The following XYLT1 variants were observed in gnomAD, a reference collection of about 807,000 sequenced individuals.
The protein encoded by XYLT1 is xylosyltransferase 1.
Under a neutral mutation model 91.3 loss-of-function variants are expected in XYLT1, and 36 were observed. That is an observed-to-expected ratio of 0.39 (90% CI 0.30 to 0.52). The LOEUF (loss-of-function observed/expected upper bound fraction) is 0.52, where lower values mean the gene tolerates loss of function less well. Among genes scored for constraint, XYLT1 ranks in the 20% least tolerant of loss-of-function variants. The pLI, the probability that XYLT1 is intolerant of heterozygous loss-of-function variation, is 0.68. For missense variants in XYLT1, 1,242 were observed against 1,284.5 expected (o/e 0.97, Z 0.51); for synonymous variants, 588 against 532.0 (o/e 1.11, Z -1.45).
intron 2 of XYLT1, among the ~76,000 whole-genome samples, chr16:17,315,247 T>A (rs1295917810): frequency 6.6e-6 from 1 of 152,118 alleles, no homozygotes; most frequent in Non-Finnish European, 1.5e-5. Context: ...CAAACTCATT[T>A]CTCTTTCCCT....
intron 3 of XYLT1, among the ~76,000 whole-genome samples, chr16:17,224,474 A>G (rs1021218296): frequency 1.3e-5 from 2 of 152,178 alleles, no homozygotes; most frequent in African/African-American, 4.8e-5. Context: ...TATCTGTGCA[A>G]AAGATTACTC....
chr16:17,249,042 G>A (rs1272983232), intron 3 of XYLT1, among the ~76,000 whole-genome samples: 3 of 151,926 alleles, frequency 2.0e-5, no homozygotes, highest in Non-Finnish European at 4.4e-5. Flanking sequence ...TTTAATGATC[G>A]TTTACCCCTG....
At chr16:17,208,016 T>C (rs2032687608) in intron 3 of XYLT1, among the ~76,000 whole-genome samples, 1 of 152,114 alleles carries the variant, frequency 6.6e-6, no homozygotes, top group Non-Finnish European at 1.5e-5. Flanking sequence ...AGATTGAGTC[T>C]TGCTTTGTAA....
chr16:17,303,649 C>T (rs8045228), intron 2 of XYLT1, among the ~76,000 whole-genome samples: 94,177 of 152,086 alleles, frequency 0.62, 31,253 homozygotes, highest in African/African-American at 0.87. Context: ...ATTTTCATTA[C>T]TAATGATATT....
intron 5 of XYLT1, among the ~76,000 whole-genome samples, chr16:17,163,664 AC>A (rs2031603505): frequency 6.6e-6 from 1 of 152,102 alleles, no homozygotes; most frequent in South Asian, 2.1e-4. Context: ...AGGATTTCAA[AC>A]CTCTGATGCT....
chr16:17,130,303 GTTGT>G (rs781759408), intron 9 of XYLT1, among the ~76,000 whole-genome samples: 1 of 152,208 alleles, frequency 6.6e-6, no homozygotes, highest in Non-Finnish European at 1.5e-5. Context: ...TGATTTGGGA[GTTGT>G]TTGTTTCACA....
rs67480834 is a variant in XYLT1, at chr16:17,300,452, C to CTTTTTTTTTTTTTTT, written c.403-40969_403-40955dup. On this transcript the variant is annotated intron_variant, in intron 2 of 11. Transcript: ENST00000261381. ...CAGCTATTTCTTTCTTTCATTCTTT[C>CTTTTTTTTTTTTTTT]TTTTTTTTTTTTTTTTTTTTTTGAG... Among the ~76,000 whole-genome samples the CTTTTTTTTTTTTTTT allele has an allele frequency of 7.1e-3, 459 of 64,802 alleles. 37 individuals carry two copies. Among genetic ancestry groups the CTTTTTTTTTTTTTTT allele is most frequent in the East Asian group, 8.5e-3 (14 of 1,638 alleles). 42.5% of individuals were successfully genotyped at this position (64,802 alleles called of 152,430 possible).
chr16:17,150,402 T>C (rs955788733), intron 6 of XYLT1, among the ~76,000 whole-genome samples: 3 of 152,182 alleles, frequency 2.0e-5, no homozygotes, highest in Non-Finnish European at 2.9e-5. Flanking sequence ...CTCTATGCAC[T>C]GAGAAAATGG....
At chr16:17,323,198 TATG>T (rs1285201905) in intron 2 of XYLT1, among the ~76,000 whole-genome samples, 1 of 152,260 alleles carries the variant, frequency 6.6e-6, no homozygotes, top group African/African-American at 2.4e-5. Flanking sequence ...ATTGATTTTC[TATG>T]ATATCCCTCT....
At chr16:17,371,809 GTTTA>G (rs1339765506) in intron 1 of XYLT1, among the ~76,000 whole-genome samples, 5 of 152,170 alleles carry the variant, frequency 3.3e-5, no homozygotes, top group African/African-American at 1.2e-4. Context: ...CTCCAGCTCT[GTTTA>G]TTAAGAGACA....
Position 17,272,139 on chromosome 16 carries a change from AT to A in XYLT1, c.403-12642del, listed in dbSNP as rs2033904777. Among the ~76,000 whole-genome samples the A allele has an allele frequency of 5.8e-5, 4 of 68,738 alleles. No homozygotes were observed. The South Asian group carries it at 1.9e-3, about 32-fold the overall frequency. The allele number at this position is 68,738 out of a possible 152,430, so 45.1% of individuals were successfully genotyped here. On this transcript the variant is annotated intron_variant, in intron 2 of 11. Transcript: ENST00000261381. Reference sequence around the variant, plus strand: ...GAGTTGATGGCATGTCTTTTAATTTATTTTTTGTTGTTGGTTTTTTTTTTTT... The same window carrying A: ...GAGTTGATGGCATGTCTTTTAATTTATTTTTGTTGTTGGTTTTTTTTTTTT...
chr16:17,375,961 CCATTAG>C (rs766816810), intron 1 of XYLT1, among the ~76,000 whole-genome samples: 13 of 152,256 alleles, frequency 8.5e-5, no homozygotes, highest in East Asian at 1.9e-4. Flanking sequence ...ACCACCATTA[CCATTAG>C]CATTAATCAC....
At chr16:17,254,256 C>T (rs759733444) in intron 3 of XYLT1, among the ~76,000 whole-genome samples, 12 of 152,146 alleles carry the variant, frequency 7.9e-5, no homozygotes, top group Non-Finnish European at 1.8e-4. Flanking sequence ...CCTTCTTCTC[C>T]TCCTTTTCCT....
chr16:17,185,991 CTATCTCAAA>C (rs2032174318), intron 5 of XYLT1, among the ~76,000 whole-genome samples: 3 of 152,188 alleles, frequency 2.0e-5, no homozygotes, highest in South Asian at 2.1e-4. Flanking sequence ...AGTGAAGACT[CTATCTCAAA>C]TATCTCAAAT....
At chr16:17,422,200 T>G (rs2036258958) in intron 1 of XYLT1, among the ~76,000 whole-genome samples, 1 of 151,456 alleles carries the variant, frequency 6.6e-6, no homozygotes, top group South Asian at 2.1e-4. Context: ...TCTGGCTAAC[T>G]TTTTAATCTT....
intron 1 of XYLT1, among the ~76,000 whole-genome samples, chr16:17,466,852 T>C (rs2036904036): frequency 6.6e-6 from 1 of 151,978 alleles, no homozygotes; most frequent in South Asian, 2.1e-4. Flanking sequence ...CAAAGTGTAA[T>C]GCGTCGCTCA....
intron 11 of XYLT1, among the ~76,000 whole-genome samples, chr16:17,111,237 A>ACTAC (rs1471982694): frequency 1.3e-5 from 2 of 152,200 alleles, no homozygotes; most frequent in Non-Finnish European, 2.9e-5. Context: ...GACTACTACT[A>ACTAC]CTACCTCCCA....
At chr16:17,316,276 T>C (rs1256762024) in intron 2 of XYLT1, among the ~76,000 whole-genome samples, 1 of 152,202 alleles carries the variant, frequency 6.6e-6, no homozygotes, top group African/African-American at 2.4e-5. Flanking sequence ...ATTGGCAGCA[T>C]GTATTTACAG....
intron 3 of XYLT1, among the ~76,000 whole-genome samples, chr16:17,208,008 A>T (rs1041454739): frequency 6.6e-6 from 1 of 151,880 alleles, no homozygotes; most frequent in Non-Finnish European, 1.5e-5. Flanking sequence ...TTTTTCAGAG[A>T]TTGAGTCTTG....
Sources: allele counts gnomAD v4.1 joint callset (sites outside exome capture counted in the v4.1 genomes callset), GRCh38; gene constraint gnomAD v4.1.1; transcripts MANE v1.5; gene names NCBI Gene and HGNC (gene_info 2026-07-23, HGNC 2026-07-21).